Variants in ADGRL3 observed in about 807,000 individuals in gnomAD.
ADGRL3 encodes the protein calcium-independent alpha-latrotoxin receptor 3.
A neutral mutation model predicts 153.5 loss-of-function variants in ADGRL3; 62 were observed. The observed-to-expected ratio is 0.40, with a 90% CI of 0.33 to 0.50. The LOEUF is 0.50. Among genes scored for constraint, ADGRL3 ranks in the 20% least tolerant of loss-of-function variants. The pLI is 0.47. For synonymous variants in ADGRL3, 710 were observed against 672.5 expected (o/e 1.06, Z -0.86); for missense variants, 1,641 against 1,859.4 (o/e 0.88, Z 2.16).
intron 9 of ADGRL3, among the ~76,000 whole-genome samples, chr4:61,884,616 A>ATTAT (rs1161904644): frequency 5.9e-5 from 9 of 151,722 alleles, no homozygotes; most frequent in African/African-American, 1.9e-4. Context: ...GCTTTCTTTT[A>ATTAT]TTATTTATTT....
intron 2 of ADGRL3, among the ~76,000 whole-genome samples, chr4:61,495,757 C>A (rs553427560): frequency 6.6e-6 from 1 of 152,242 alleles, no homozygotes; most frequent in South Asian, 2.1e-4. Context: ...CACCTCTAGG[C>A]AAGATTCCTC....
chr4:61,501,534 C>G (rs970988567), intron 3 of ADGRL3, among the ~76,000 whole-genome samples: 7 of 152,126 alleles, frequency 4.6e-5, no homozygotes, highest in African/African-American at 1.7e-4. Flanking sequence ...ACCTCAGTAT[C>G]TATGTTTTGC....
At chr4:61,286,167 A>G (rs2013068) in intron 1 of ADGRL3, among the ~76,000 whole-genome samples, 116,794 of 151,140 alleles carry the variant, frequency 0.77, 45,661 homozygotes, top group Middle Eastern at 0.84. Flanking sequence ...TTGGCATAAG[A>G]AGATATTGTA....
At chr4:61,791,997 A>G (rs1282676227) in intron 8 of ADGRL3, among the ~76,000 whole-genome samples, 6 of 151,952 alleles carry the variant, frequency 3.9e-5, no homozygotes, top group Admixed American at 3.3e-4. Flanking sequence ...TGCCATGAAG[A>G]CCTCTCTCAT....
intron 13 of ADGRL3, among the ~76,000 whole-genome samples, chr4:61,924,347 C>G (rs1373360362): frequency 6.6e-6 from 1 of 152,150 alleles, no homozygotes; most frequent in African/African-American, 2.4e-5. Flanking sequence ...AGTTAGTCCT[C>G]TTGTCCACAC....
At chr4:61,760,639 C>T (rs937099978) in intron 8 of ADGRL3, among the ~76,000 whole-genome samples, 15 of 152,210 alleles carry the variant, frequency 9.9e-5, no homozygotes, top group Non-Finnish European at 1.6e-4. Flanking sequence ...CTTCGGCTCA[C>T]GCTGGGTGCG....
At chr4:61,675,954 A>G in intron 5 of ADGRL3, among the ~76,000 whole-genome samples, 1 of 150,472 alleles carries the variant, frequency 6.6e-6, no homozygotes, top group Non-Finnish European at 1.5e-5. Context: ...TCCCCCCTCT[A>G]CCCCTCACTC....
chr4:61,738,075 C>T (rs2096540099), intron 8 of ADGRL3, among the ~76,000 whole-genome samples: 1 of 151,966 alleles, frequency 6.6e-6, no homozygotes, highest in Non-Finnish European at 1.5e-5. Flanking sequence ...TATCCCTCAT[C>T]CCCTCCCACC....
intron 17 of ADGRL3, among the ~76,000 whole-genome samples, chr4:61,958,425 A>C (rs574589886): frequency 3.6e-4 from 39 of 107,146 alleles, no homozygotes; most frequent in African/African-American, 5.7e-4. Flanking sequence ...TTCTTTCTTT[A>C]TTAGAAACCA....
chr4:61,760,457 C>A (rs1294379935), intron 8 of ADGRL3, among the ~76,000 whole-genome samples: 1 of 152,174 alleles, frequency 6.6e-6, no homozygotes, highest in Non-Finnish European at 1.5e-5. Context: ...CCCTCTGAGC[C>A]AGGCACGGGA....
At chr4:61,737,554 C>T (rs1055584077) in intron 8 of ADGRL3, among the ~76,000 whole-genome samples, 1 of 152,058 alleles carries the variant, frequency 6.6e-6, no homozygotes, top group African/African-American at 2.4e-5. Flanking sequence ...TCGATTTCCT[C>T]AGACTATAAA....
chr4:61,250,787 T>C (rs1180946467), intron 1 of ADGRL3, among the ~76,000 whole-genome samples: 1 of 152,212 alleles, frequency 6.6e-6, no homozygotes, highest in Non-Finnish European at 1.5e-5. Flanking sequence ...TATTTGTTAC[T>C]TCTGTGCTGT....
intron 4 of ADGRL3, among the ~76,000 whole-genome samples, chr4:61,535,780 C>G (rs1384986073): frequency 1.3e-5 from 2 of 151,624 alleles, no homozygotes; most frequent in African/African-American, 2.4e-5. Context: ...TGGCATTGTG[C>G]TTTTTTCCAT....
At chr4:61,636,492 A>G (rs1010852705) in intron 5 of ADGRL3, among the ~76,000 whole-genome samples, 1 of 152,142 alleles carries the variant, frequency 6.6e-6, no homozygotes, top group African/African-American at 2.4e-5. Context: ...TCAACCTAGA[A>G]TTAATACTCC....
At chr4:61,781,136 G>A (rs770167612) in intron 8 of ADGRL3, among the ~76,000 whole-genome samples, 25 of 152,042 alleles carry the variant, frequency 1.6e-4, no homozygotes, top group Non-Finnish European at 2.9e-5. Flanking sequence ...AGACCAGCCT[G>A]ACCAACATGG....
At chr4:61,336,088 A>C (rs558273662) in intron 1 of ADGRL3, among the ~76,000 whole-genome samples, 1 of 152,306 alleles carries the variant, frequency 6.6e-6, no homozygotes, top group Admixed American at 6.5e-5. Context: ...TATATTAGGT[A>C]TATTCTACAT....
At chr4:62,019,117 T>TTTGTTGGGC (rs2099226341) in intron 21 of ADGRL3, among the ~76,000 whole-genome samples, 1 of 152,176 alleles carries the variant, frequency 6.6e-6, no homozygotes, top group Admixed American at 6.5e-5. Context: ...AACTTCTGGT[T>TTTGTTGGGC]TTGTAAGCCC....
At chr4:61,783,400 C>T (rs531124047) in intron 8 of ADGRL3, among the ~76,000 whole-genome samples, 2 of 151,868 alleles carry the variant, frequency 1.3e-5, no homozygotes, top group East Asian at 3.9e-4. Context: ...TGTTTTCCCT[C>T]TATATATATA....
rs374587808 is a variant in ADGRL3 at position 62,031,445 on chromosome 4, A to G, written c.3426A>G (p.Ser1142=). The G allele has an allele frequency of 1.9e-5, 31 of 1,606,710 alleles. 1 individual carries two copies. The South Asian group carries it at 2.3e-4, about 12-fold the overall frequency. ...NYEDNRPFIK[S]WVIGAIALLC... Reference sequence around the variant, plus strand: ...TAATTTTCTCTTCTCTCTACAGGTCATGGGTTATAGGTGCAATAGCTCTTC... The same window carrying G: ...TAATTTTCTCTTCTCTCTACAGGTCGTGGGTTATAGGTGCAATAGCTCTTC... Residue 1142 remains serine, a synonymous_variant, in exon 23 of 27, where the codon TCA becomes TCG. Coordinates refer to ENST00000683033, the MANE Select transcript of ADGRL3 (RefSeq NM_001387552.1).
Sources: allele counts gnomAD v4.1 joint callset (sites outside exome capture counted in the v4.1 genomes callset), GRCh38; gene constraint gnomAD v4.1.1; transcripts MANE v1.5; gene names NCBI Gene and HGNC (gene_info 2026-07-23, HGNC 2026-07-21).